Variants in JAZF1 observed in about 807,000 individuals in gnomAD.
The protein encoded by JAZF1 is juxtaposed with another zinc finger protein 1.
In JAZF1, 8 loss-of-function variants were observed where a neutral mutation model predicts 26.4. The ratio of observed to expected loss-of-function variants is 0.30; its 90% CI spans 0.18 to 0.55. The LOEUF is 0.55. JAZF1 is among the 20% of genes least tolerant of loss of function. The pLI, the probability that JAZF1 is intolerant of heterozygous loss-of-function variation, is 0.94. For synonymous variants in JAZF1, 126 were observed against 122.3 expected, an observed-to-expected ratio of 1.03 and a Z score of -0.20; for missense variants, 199 against 322.0, an observed-to-expected ratio of 0.62 and a Z score of 2.92.
At chr7:28,051,808 C>T in intron 1 of JAZF1, among the ~76,000 whole-genome samples, 1 of 152,152 alleles carries the variant, frequency 6.6e-6, no homozygotes, top group East Asian at 1.9e-4. Context: ...TTAAAATCAA[C>T]TAGTAACTCA....
intron 1 of JAZF1, among the ~76,000 whole-genome samples, chr7:28,087,855 T>C (rs919449389): frequency 2.6e-5 from 4 of 152,232 alleles, no homozygotes; most frequent in African/African-American, 9.6e-5. Context: ...AAAATGTCCA[T>C]TTTAAAAAGG....
At chr7:28,173,445 A>G (rs1783502851) in intron 1 of JAZF1, among the ~76,000 whole-genome samples, 1 of 152,214 alleles carries the variant, frequency 6.6e-6, no homozygotes, top group Non-Finnish European at 1.5e-5. Flanking sequence ...GTACACACAT[A>G]TATGTGGTAT....
At chr7:27,983,349 G>C (rs1042198926) in intron 2 of JAZF1, among the ~76,000 whole-genome samples, 1 of 152,210 alleles carries the variant, frequency 6.6e-6, no homozygotes, top group African/African-American at 2.4e-5. Context: ...AAGGGTATCA[G>C]TGATTGAAGA....
chr7:27,916,759 GA>G (rs986047593), intron 2 of JAZF1, among the ~76,000 whole-genome samples: 4 of 152,210 alleles, frequency 2.6e-5, no homozygotes, highest in African/African-American at 9.7e-5. Context: ...TATAAGAGCT[GA>G]AACAAGAAAG....
At chr7:27,906,128 GA>G (rs1562525254) in intron 2 of JAZF1, among the ~76,000 whole-genome samples, 1 of 152,132 alleles carries the variant, frequency 6.6e-6, no homozygotes. Flanking sequence ...CTAAGCAAAC[GA>G]AAGAAGGCAA....
intron 1 of JAZF1, among the ~76,000 whole-genome samples, chr7:28,129,824 C>T (rs1782760083): frequency 6.6e-6 from 1 of 151,924 alleles, no homozygotes; most frequent in Non-Finnish European, 1.5e-5. Context: ...TTACATTTTC[C>T]CAGATAACGT....
intron 2 of JAZF1, among the ~76,000 whole-genome samples, chr7:27,909,010 C>A (rs112626058): frequency 1.4e-4 from 21 of 150,338 alleles, no homozygotes; most frequent in African/African-American, 5.2e-4. Flanking sequence ...AATATTCATT[C>A]ATTCATTCAT....
intron 2 of JAZF1, among the ~76,000 whole-genome samples, chr7:27,915,084 G>A (rs1353098186): frequency 1.3e-5 from 2 of 152,006 alleles, no homozygotes; most frequent in Non-Finnish European, 2.9e-5. Flanking sequence ...CTTCAAGCAG[G>A]CCCTATTAAA....
chr7:28,142,861 A>G (rs2127946026), intron 1 of JAZF1, among the ~76,000 whole-genome samples: 1 of 152,306 alleles, frequency 6.6e-6, no homozygotes, highest in East Asian at 1.9e-4. Context: ...GCACAGTGAC[A>G]ACGTGCACAA....
chr7:27,910,890 G>A (rs1383607998), intron 2 of JAZF1, among the ~76,000 whole-genome samples: 1 of 152,128 alleles, frequency 6.6e-6, no homozygotes, highest in East Asian at 1.9e-4. Context: ...GAAGCAATGG[G>A]CATTTTCAGA....
intron 2 of JAZF1, among the ~76,000 whole-genome samples, chr7:27,981,254 A>G (rs147281606): frequency 2.0e-5 from 3 of 152,338 alleles, no homozygotes; most frequent in African/African-American, 7.2e-5. Flanking sequence ...CTTCTAATTT[A>G]CAGTAAATAC....
rs576758897 is a variant in JAZF1, at chr7:27,941,414, G to T, written c.189-45998C>A. Among the ~76,000 whole-genome samples, 52 of 152,256 alleles carry T rather than the reference G, an allele frequency of 3.4e-4. No homozygotes were observed. In the South Asian group the frequency reaches 5.4e-3, roughly 16 times the overall value. On this transcript the variant is annotated intron_variant, in intron 2 of 4. Transcript: ENST00000283928. ...TCAGCCTGCAGTTAATCTTTATTCAGCCTTAATGAGTATTTATTGTGTGAC... is the reference window on the plus strand; with the variant it reads ...TCAGCCTGCAGTTAATCTTTATTCATCCTTAATGAGTATTTATTGTGTGAC...
intron 2 of JAZF1, among the ~76,000 whole-genome samples, chr7:27,940,797 T>A (rs1784835614): frequency 6.6e-6 from 1 of 152,234 alleles, no homozygotes; most frequent in Non-Finnish European, 1.5e-5. Context: ...GGATTCTGTA[T>A]CTGAACTTTT....
chr7:27,911,483 C>T (rs536021402), intron 2 of JAZF1, among the ~76,000 whole-genome samples: 3 of 152,248 alleles, frequency 2.0e-5, no homozygotes, highest in South Asian at 2.1e-4. Context: ...TTGTTCAATA[C>T]AGTAGCCATT....
rs75758477 is a variant in JAZF1 at position 27,864,527 on chromosome 7, C to A, written c.386-23660G>T. 9.8e-5 allele frequency among the ~76,000 whole-genome samples: 15 copies of A among 152,304 alleles called. No individual in the cohort carries two copies. The East Asian group carries it at 1.5e-3, about 16-fold the overall frequency. ...TGCCCGGCTCAGAGCCTACTGCCCC[C>A]CTAGCAGGAGTCCTCTCCCTGCTGA... is the stretch of plus-strand genomic sequence containing the variant. On this transcript the variant is annotated intron_variant, in intron 3 of 4. Transcript: ENST00000283928.
chr7:27,975,842 A>G (rs192883520), intron 2 of JAZF1, among the ~76,000 whole-genome samples: 10 of 152,314 alleles, frequency 6.6e-5, no homozygotes, highest in Non-Finnish European at 1.5e-4. Context: ...TGTATAAGCA[A>G]CCTGTTTAAA....
rs1185281740 is a variant in JAZF1 at position 27,948,967 on chromosome 7, T to C, written c.188+42942A>G. On this transcript the variant is annotated intron_variant, in intron 2 of 4. Transcript: ENST00000283928. Reference sequence around the variant, plus strand: ...TTTCTGAACACCCAGGAAGTCCTGATATATGCTAAAATGTGCACCCACAAA... The same window carrying C: ...TTTCTGAACACCCAGGAAGTCCTGACATATGCTAAAATGTGCACCCACAAA... 2.0e-5 allele frequency among the ~76,000 whole-genome samples: 3 copies of C among 152,214 alleles called. No homozygotes were observed. In the East Asian group the frequency reaches 5.8e-4, roughly 29 times the overall value.
In JAZF1 at chr7:28,089,083, A is replaced by G. The variant is rs191612451; in HGVS notation, c.115+91380T>C. Among the ~76,000 whole-genome samples, 4 of 152,378 alleles carry G rather than the reference A, an allele frequency of 2.6e-5. No homozygotes were observed. In the East Asian group the frequency reaches 7.7e-4, roughly 29 times the overall value. The stretch of plus-strand genomic sequence containing the variant: ...ATCACAGTGCATTCCAATGAGCAAT[A>G]CAAGAGGAAAATAATAAAACAGAAA... On this transcript the variant is annotated intron_variant, in intron 1 of 4. Coordinates refer to ENST00000283928, the MANE Select transcript of JAZF1 (RefSeq NM_175061.4).
At chr7:28,152,243 T>C (rs1205427326) in intron 1 of JAZF1, among the ~76,000 whole-genome samples, 1 of 152,226 alleles carries the variant, frequency 6.6e-6, no homozygotes, top group South Asian at 2.1e-4. Flanking sequence ...CATGACAGGG[T>C]TGCTAAAACT....
Sources: gnomAD v4.1 joint callset for allele counts (sites outside exome capture counted in the v4.1 genomes callset) on GRCh38, gnomAD v4.1.1 for gene constraint, MANE v1.5 for transcripts, NCBI Gene and HGNC (gene_info 2026-07-23, HGNC 2026-07-21) for gene names.